Variants in ZNF248 observed in about 807,000 individuals in gnomAD.
The protein encoded by ZNF248 is KRAB protein domain.
A neutral mutation model predicts 44.3 loss-of-function variants in ZNF248; 20 were observed. The observed-to-expected ratio is 0.45, with a 90% CI of 0.32 to 0.66. ZNF248 has a LOEUF of 0.66. Ranked by LOEUF, ZNF248 falls within the 30% of genes least tolerant of loss-of-function variation. The pLI, the probability that ZNF248 is intolerant of heterozygous loss-of-function variation, is 0.04. For missense variants in ZNF248, 654 were observed against 677.0 expected, an observed-to-expected ratio of 0.97 and a Z score of 0.38; for synonymous variants, 224 against 229.0, an observed-to-expected ratio of 0.98 and a Z score of 0.20.
chr10:37,761,603 T>C, the ZNF248 span, among the ~76,000 whole-genome samples: 1 of 152,370 alleles, frequency 6.6e-6, no homozygotes, highest in South Asian at 2.1e-4. Context: ...CAGAGCTTCG[T>C]TGTTTCTTAC....
At chr10:37,780,510 T>A (rs1235664874) in intron 6 of ZNF248, among the ~76,000 whole-genome samples, 2 of 150,420 alleles carry the variant, frequency 1.3e-5, no homozygotes, top group African/African-American at 2.4e-5. Flanking sequence ...TATACAAAAA[T>A]CAATTCAAGA....
At chr10:37,797,828 G>A (rs2049334993) in intron 6 of ZNF248, among the ~76,000 whole-genome samples, 1 of 152,110 alleles carries the variant, frequency 6.6e-6, no homozygotes, top group African/African-American at 2.4e-5. Context: ...GAGATGTAGA[G>A]AAGTTAAATC....
At chr10:37,848,308 G>A (rs9418298) in intron 3 of ZNF248, among the ~76,000 whole-genome samples, 19,545 of 151,966 alleles carry the variant, frequency 0.13, 1,354 homozygotes, top group Admixed American at 0.2. Context: ...ATACAGCCAG[G>A]CACAGTGGCT....
intron 6 of ZNF248, among the ~76,000 whole-genome samples, chr10:37,817,769 T>C (rs574509269): frequency 2.0e-5 from 3 of 152,310 alleles, no homozygotes; most frequent in Admixed American, 6.5e-5. Context: ...AACAGCATTT[T>C]TTCCCCCCGA....
Position 37,856,249 on chromosome 10 carries a change from G to C in ZNF248, c.15+47C>G, listed in dbSNP as rs771124291. On this transcript the variant is annotated intron_variant, in intron 3 of 5. Coordinates refer to ENST00000395867, the MANE Select transcript of ZNF248 (RefSeq NM_021045.3). ...AAAACATAAACCCTTATAAACTTCA[G>C]AAATCCATTTTTAAACAAACTGGGA... The C allele has an allele frequency of 4.4e-6, 7 of 1,594,506 alleles. No homozygotes were observed. In the South Asian group the frequency reaches 6.7e-5, roughly 15 times the overall value.
At chr10:37,856,374 T>C (rs891683342) in intron 2 of ZNF248, 37 bp from the exon 3 acceptor site, 1 of 1,609,502 alleles carries the variant, frequency 6.2e-7, no homozygotes, top group Non-Finnish European at 8.5e-7. Context: ...AGGAGAGCCT[T>C]CGCCGGCCTT....
At chr10:37,818,399 A>G (rs1156734338) in intron 6 of ZNF248, among the ~76,000 whole-genome samples, 1 of 152,100 alleles carries the variant, frequency 6.6e-6, no homozygotes, top group East Asian at 1.9e-4. Flanking sequence ...GCCTTTTCCT[A>G]TGAGGCCTGG....
downstream of ZNF248, among the ~76,000 whole-genome samples, chr10:37,827,408 T>C (rs1228866244): frequency 2.0e-5 from 3 of 152,278 alleles, no homozygotes; most frequent in African/African-American, 7.2e-5. Flanking sequence ...CATACCAAAG[T>C]ATGGACTCCA....
At chr10:37,836,925 A>G (rs2057331593) in intron 5 of ZNF248, among the ~76,000 whole-genome samples, 1 of 152,164 alleles carries the variant, frequency 6.6e-6, no homozygotes, top group Admixed American at 6.6e-5. Flanking sequence ...ATGAATATAT[A>G]GAAGGATTGC....
intron 6 of ZNF248, chr10:37,820,532 G>A: frequency 1.2e-6 from 2 of 1,601,866 alleles, no homozygotes; most frequent in Admixed American, 1.7e-5. Flanking sequence ...TGCAACTGGT[G>A]CAACACTTCT....
rs201753933 is a variant in ZNF248 at position 37,837,673 on chromosome 10, T to C, written c.182A>G (p.Glu61Gly). The change falls in exon 5 of 6, where the codon GAG becomes GGG. Residue 61 changes from glutamate (E) to glycine (G), a missense_variant. Glu to Gly is a moderately conservative substitution (Grantham distance 98). Coordinates refer to ENST00000395867, the MANE Select transcript of ZNF248 (RefSeq NM_021045.3). Reference sequence around the variant, plus strand: ...TAATATCCAGGGCTCTTCTCCTTGCTCGATCTTAAAGATCACTTCTGGTTT... The same window carrying C: ...TAATATCCAGGGCTCTTCTCCTTGCCCGATCTTAAAGATCACTTCTGGTTT... Reference protein sequence around the residue: ...ITKPEVIFKIEQGEEPWILEK... With the variant: ...ITKPEVIFKIGQGEEPWILEK... 1 of 1,614,126 alleles carries C rather than the reference T, an allele frequency of 6.2e-7. No homozygotes were observed. Among genetic ancestry groups the C allele is most frequent in the Non-Finnish European group, 8.5e-7 (1 of 1,180,016 alleles).
chr10:37,793,175 T>C (rs970221569), intron 6 of ZNF248, among the ~76,000 whole-genome samples: 2 of 151,286 alleles, frequency 1.3e-5, no homozygotes, highest in Non-Finnish European at 1.5e-5. Context: ...CTACTAAAAA[T>C]ACAAAAAAAA....
intron 6 of ZNF248, among the ~76,000 whole-genome samples, chr10:37,805,429 C>A (rs1485877488): frequency 6.6e-6 from 1 of 152,166 alleles, no homozygotes. Context: ...ATGATATATA[C>A]TAAACCAATC....
intron 5 of ZNF248, among the ~76,000 whole-genome samples, chr10:37,835,127 T>TA (rs553613107): frequency 8.9e-5 from 13 of 146,164 alleles, no homozygotes; most frequent in East Asian, 1.9e-4. Context: ...TAATTTAGGC[T>TA]AAAAAAAAAG....
intron 6 of ZNF248, among the ~76,000 whole-genome samples, chr10:37,812,610 G>C (rs1400217387): frequency 6.6e-6 from 1 of 152,138 alleles, no homozygotes; most frequent in African/African-American, 2.4e-5. Context: ...TTCTAGTAAG[G>C]GGCTGCCTTT....
At chr10:37,823,974 G>C (rs1260875320), downstream of ZNF248, among the ~76,000 whole-genome samples, 2 of 152,072 alleles carry the variant, frequency 1.3e-5, no homozygotes, top group Non-Finnish European at 2.9e-5. Context: ...ATATGATAAT[G>C]GTGGCTATGT....
At chr10:37,783,868 T>C (rs1294224293) in intron 6 of ZNF248, 4 of 152,258 alleles carry the variant, frequency 2.6e-5, no homozygotes, top group African/African-American at 9.7e-5. Flanking sequence ...CAGGCTGGAG[T>C]GCAATGGCAT....
chr10:37,766,366 G>A, the ZNF248 span, among the ~76,000 whole-genome samples: 16 of 152,222 alleles, frequency 1.1e-4, no homozygotes, highest in African/African-American at 3.9e-4. Flanking sequence ...TCTAGTAGGG[G>A]CAGACTGACA....
At chr10:37,821,031 A>T in intron 6 of ZNF248, 1 of 1,129,754 alleles carries the variant, frequency 8.9e-7, no homozygotes, top group Non-Finnish European at 1.3e-6. Context: ...CTGGGATCCC[A>T]AAGACCTACA....
Sources: allele counts gnomAD v4.1 joint callset (sites outside exome capture counted in the v4.1 genomes callset), GRCh38; gene constraint gnomAD v4.1.1; transcripts MANE v1.5; gene names NCBI Gene and HGNC (gene_info 2026-07-23, HGNC 2026-07-21).